DNAH11: variants seen among roughly 807,000 people sequenced by gnomAD.
The protein encoded by DNAH11 is axonemal beta dynein heavy chain 11.
Under a neutral mutation model 526.0 loss-of-function variants are expected in DNAH11, and 442 were observed. The ratio of observed to expected loss-of-function variants is 0.84; its 90% confidence interval spans 0.78 to 0.91. The LOEUF (loss-of-function observed/expected upper bound fraction) is 0.91. Among genes scored for constraint, DNAH11 ranks in the 40% least tolerant of loss-of-function variants. The pLI, the probability that DNAH11 is intolerant of heterozygous loss-of-function variation, is 0.00. For missense variants in DNAH11, 6,989 were observed against 5,448.7 expected, an observed-to-expected ratio of 1.28 and a Z score of -8.90; for synonymous variants, 2,461 against 1,935.9, an observed-to-expected ratio of 1.27 and a Z score of -7.12.
chr7:21,671,913 C>T (rs758808527), intron 30 of DNAH11, among the ~76,000 whole-genome samples: 2 of 152,126 alleles, frequency 1.3e-5, no homozygotes, highest in African/African-American at 2.4e-5. Flanking sequence ...ATCTGACATT[C>T]GTTGCTCAAT....
In DNAH11 at chr7:21,681,679, C is replaced by A; in HGVS notation, c.5460+2C>A. 6.2e-7 allele frequency: 1 copy of A among 1,613,754 alleles called. No individual in the cohort carries two copies. The highest frequency in any genetic ancestry group is 8.5e-7 in the Non-Finnish European group (1 of 1,179,738). Reference sequence around the variant, plus strand: ...GTGGCAAAACTTATTTCTCAGAAGGCAAGTTGTTTGTAGAAATTTTATGTA... The same window carrying A: ...GTGGCAAAACTTATTTCTCAGAAGGAAAGTTGTTTGTAGAAATTTTATGTA... On this transcript the variant is annotated splice_donor_variant, in intron 31 of 81. Coordinates refer to ENST00000409508, the MANE Select transcript of DNAH11 (RefSeq NM_001277115.2). LOFTEE classifies it high-confidence loss of function.
At chr7:21,697,311 CTA>C (rs1285309773) in intron 35 of DNAH11, among the ~76,000 whole-genome samples, 2 of 152,016 alleles carry the variant, frequency 1.3e-5, no homozygotes, top group African/African-American at 2.4e-5. Flanking sequence ...GGATTTGAAG[CTA>C]TGTTTTTCTA....
chr7:21,765,654 A>G, intron 55 of DNAH11, 65 bp downstream of exon 55: 1 of 1,148,084 alleles, frequency 8.7e-7, no homozygotes, highest in Non-Finnish European at 1.2e-6. Context: ...ACACACACAC[A>G]CACACTCTGA....
chr7:21,654,069 A>G (rs1781902776), intron 28 of DNAH11, among the ~76,000 whole-genome samples: 1 of 152,060 alleles, frequency 6.6e-6, no homozygotes, highest in Non-Finnish European at 1.5e-5. Flanking sequence ...GGTTATCAGC[A>G]GCTCATATTT....
intron 60 of DNAH11, among the ~76,000 whole-genome samples, chr7:21,788,486 A>G (rs1462566526): frequency 6.6e-6 from 1 of 151,998 alleles, no homozygotes; most frequent in Non-Finnish European, 1.5e-5. Flanking sequence ...ACAGTAGGTG[A>G]AAAGACAAGC....
intron 30 of DNAH11, among the ~76,000 whole-genome samples, chr7:21,666,015 T>A (rs1782408094): frequency 6.6e-6 from 1 of 152,172 alleles, no homozygotes; most frequent in South Asian, 2.1e-4. Flanking sequence ...AAGCAGTTTT[T>A]TAAATGAGCT....
intron 25 of DNAH11, among the ~76,000 whole-genome samples, chr7:21,620,463 T>G (rs1361694881): frequency 1.3e-5 from 2 of 152,076 alleles, no homozygotes; most frequent in Non-Finnish European, 2.9e-5. Flanking sequence ...CACGTGTAGA[T>G]GGCATCGTAC....
At chr7:21,693,538 A>G (rs1341292156) in intron 35 of DNAH11, among the ~76,000 whole-genome samples, 2 of 152,160 alleles carry the variant, frequency 1.3e-5, no homozygotes, top group Non-Finnish European at 2.9e-5. Context: ...TAGAATTGCT[A>G]TTATTTACTC....
At chr7:21,698,781 G>T (rs1387890940) in intron 36 of DNAH11, among the ~76,000 whole-genome samples, 1 of 152,168 alleles carries the variant, frequency 6.6e-6, no homozygotes, top group African/African-American at 2.4e-5. Context: ...AAATAGGCAT[G>T]TTCAAGTGTC....
intron 45 of DNAH11, among the ~76,000 whole-genome samples, chr7:21,728,237 C>CTTTTTTTTTTTTTTT (rs71026816): frequency 3.4e-5 from 2 of 58,870 alleles, no homozygotes; most frequent in African/African-American, 1.5e-4. Context: ...GCCCACAATT[C>CTTTTTTTTTTTTTTT]TTTTTTTTTT....
chr7:21,717,715 G>T, intron 42 of DNAH11, 60 bp from the exon 43 acceptor site: 1 of 1,598,364 alleles, frequency 6.3e-7, no homozygotes. Flanking sequence ...CTTTTGACTT[G>T]GTGAAATTCT....
intron 9 of DNAH11, among the ~76,000 whole-genome samples, chr7:21,584,575 TA>T (rs562408312): frequency 5.3e-4 from 81 of 152,000 alleles, no homozygotes; most frequent in African/African-American, 1.8e-3. Flanking sequence ...CTTAAAGTAT[TA>T]AAAAAAATTC....
chr7:21,893,343 G>T (rs561686781), intron 77 of DNAH11, among the ~76,000 whole-genome samples: 2 of 152,338 alleles, frequency 1.3e-5, no homozygotes, highest in East Asian at 1.9e-4. Context: ...TTGTGATTTT[G>T]TAAGGGTAAT....
intron 57 of DNAH11, among the ~76,000 whole-genome samples, chr7:21,781,336 C>A (rs780995772): frequency 1.3e-5 from 2 of 152,190 alleles, no homozygotes; most frequent in African/African-American, 2.4e-5. Flanking sequence ...AGGTTGAAAT[C>A]ATTGCTTCAA....
At chr7:21,637,910 T>G (rs910346739) in intron 27 of DNAH11, among the ~76,000 whole-genome samples, 1 of 152,110 alleles carries the variant, frequency 6.6e-6, no homozygotes, top group Non-Finnish European at 1.5e-5. Context: ...AAAATATTTG[T>G]TTTCTGAGAG....
At chr7:21,663,353 G>A (rs1489366910) in intron 30 of DNAH11, among the ~76,000 whole-genome samples, 2 of 152,232 alleles carry the variant, frequency 1.3e-5, no homozygotes, top group East Asian at 3.9e-4. Flanking sequence ...TAATGGGATT[G>A]CTGGGTCAAA....
chr7:21,818,832 C>A (rs1220428251), intron 65 of DNAH11, among the ~76,000 whole-genome samples: 1 of 151,992 alleles, frequency 6.6e-6, no homozygotes, highest in Admixed American at 6.6e-5. Flanking sequence ...TTAGTGGGTC[C>A]CTGAAATCAT....
At chr7:21,896,151 G>A (rs1442786133) in intron 79 of DNAH11, among the ~76,000 whole-genome samples, 2 of 152,120 alleles carry the variant, frequency 1.3e-5, no homozygotes, top group Non-Finnish European at 2.9e-5. Flanking sequence ...GTTGTGTTTT[G>A]TTTGTGGTCA....
chr7:21,544,839 A>G (rs1297324258), intron 1 of DNAH11, among the ~76,000 whole-genome samples, 167 bp from the exon 2 acceptor site: 4 of 152,176 alleles, frequency 2.6e-5, no homozygotes, highest in African/African-American at 9.7e-5. Context: ...AGAAAACTGT[A>G]TACTCGCTGC....
Sources: gnomAD v4.1 joint callset for allele counts (sites outside exome capture counted in the v4.1 genomes callset) on GRCh38, gnomAD v4.1.1 for gene constraint, MANE v1.5 for transcripts, NCBI Gene and HGNC (gene_info 2026-07-23, HGNC 2026-07-21) for gene names.